The following MEIS2 variants were observed in gnomAD, a reference collection of about 807,000 sequenced individuals.
MEIS2 encodes homeobox protein Meis2.
MEIS2 carries 9 observed loss-of-function variants against 58.6 expected under a neutral mutation model. The observed-to-expected ratio is 0.15, with a 90% CI of 0.09 to 0.27. MEIS2 has a LOEUF of 0.27. MEIS2 is among the 10% of genes least tolerant of loss of function. The pLI is 1.00. For synonymous variants in MEIS2, 221 were observed against 228.4 expected, an observed-to-expected ratio of 0.97 and a Z score of 0.29; for missense variants, 427 against 635.0, an observed-to-expected ratio of 0.67 and a Z score of 3.52.
At chr15:37,047,971 G>A (rs1397314056) in intron 7 of MEIS2, among the ~76,000 whole-genome samples, 2 of 152,068 alleles carry the variant, frequency 1.3e-5, no homozygotes, top group Non-Finnish European at 2.9e-5. Flanking sequence ...TCCTTCTGTT[G>A]CAGTCTAACT....
At chr15:37,072,401 A>G (rs1266745330) in intron 7 of MEIS2, among the ~76,000 whole-genome samples, 1 of 152,050 alleles carries the variant, frequency 6.6e-6, no homozygotes, top group Non-Finnish European at 1.5e-5. Context: ...TATCACCAGG[A>G]AAGTTTGGTA....
At chr15:37,060,534 G>A (rs927645191) in intron 7 of MEIS2, among the ~76,000 whole-genome samples, 12 of 152,046 alleles carry the variant, frequency 7.9e-5, no homozygotes, top group African/African-American at 2.2e-4. Flanking sequence ...ACCCCTGAAC[G>A]TGTGCTCTAT....
chr15:37,071,551 C>A (rs573752125), intron 7 of MEIS2, among the ~76,000 whole-genome samples: 2 of 152,118 alleles, frequency 1.3e-5, no homozygotes, highest in South Asian at 4.1e-4. Flanking sequence ...TTGAAAGCAA[C>A]TTTTAAATAA....
intron 8 of MEIS2, among the ~76,000 whole-genome samples, chr15:36,970,109 A>C (rs576897197): frequency 1.4e-4 from 21 of 152,328 alleles, no homozygotes; most frequent in African/African-American, 4.3e-4. Context: ...TTTGTTTAAA[A>C]ATGCAAACAT....
At chr15:36,972,685 T>C (rs1385456509) in intron 8 of MEIS2, 1 of 152,228 alleles carries the variant, frequency 6.6e-6, no homozygotes, top group Non-Finnish European at 1.5e-5. Flanking sequence ...CCAACACCTC[T>C]CCTGGTTTCC....
chr15:36,981,630 C>T (rs1567139412), intron 8 of MEIS2, among the ~76,000 whole-genome samples: 1 of 152,122 alleles, frequency 6.6e-6, no homozygotes, highest in East Asian at 1.9e-4. Flanking sequence ...CATTTAAGAT[C>T]TACTCTGTGA....
chr15:37,062,678 C>T (rs28704697), intron 7 of MEIS2, among the ~76,000 whole-genome samples: 8,272 of 152,232 alleles, frequency 0.054, 259 homozygotes, highest in Non-Finnish European at 0.06. Context: ...CTAATTTTAT[C>T]CTAGTGAGGG....
intron 8 of MEIS2, among the ~76,000 whole-genome samples, chr15:37,007,774 G>C (rs929799335): frequency 6.6e-6 from 1 of 152,182 alleles, no homozygotes; most frequent in Non-Finnish European, 1.5e-5. Flanking sequence ...CGCCATCTAA[G>C]ATTAATGTCC....
chr15:36,912,639 T>A (rs2057086243), intron 9 of MEIS2, among the ~76,000 whole-genome samples: 2 of 152,168 alleles, frequency 1.3e-5, no homozygotes, highest in Non-Finnish European at 2.9e-5. Flanking sequence ...CTCAGGGGCC[T>A]TGCAATGAGG....
intron 7 of MEIS2, among the ~76,000 whole-genome samples, chr15:37,072,777 A>G (rs976905044): frequency 1.3e-5 from 2 of 152,106 alleles, no homozygotes; most frequent in Non-Finnish European, 2.9e-5. Context: ...TGCTGCACCC[A>G]TTAACTCGTC....
chr15:37,066,069 C>A (rs1461357715), intron 7 of MEIS2, among the ~76,000 whole-genome samples: 1 of 152,076 alleles, frequency 6.6e-6, no homozygotes, highest in Non-Finnish European at 1.5e-5. Flanking sequence ...GATAACTAAC[C>A]CTTTAGAATT....
At chr15:36,980,467 C>CA (rs1366262828) in intron 8 of MEIS2, among the ~76,000 whole-genome samples, 2 of 152,108 alleles carry the variant, frequency 1.3e-5, no homozygotes, top group Admixed American at 6.6e-5. Context: ...ACATGGATGG[C>CA]AGCAAGCAAA....
intron 7 of MEIS2, among the ~76,000 whole-genome samples, chr15:37,070,885 C>T (rs2141872808): frequency 6.6e-6 from 1 of 151,972 alleles, no homozygotes; most frequent in African/African-American, 2.4e-5. Flanking sequence ...TTTTAAAGAG[C>T]TATTTGAAAT....
chr15:37,018,596 C>T (rs997171455), intron 8 of MEIS2, among the ~76,000 whole-genome samples: 3 of 151,976 alleles, frequency 2.0e-5, no homozygotes, highest in African/African-American at 7.3e-5. Context: ...ATTTGGAGTC[C>T]GAGTATTAAA....
chr15:37,065,575 G>C (rs1889820591), intron 7 of MEIS2, among the ~76,000 whole-genome samples: 1 of 152,112 alleles, frequency 6.6e-6, no homozygotes, highest in East Asian at 1.9e-4. Context: ...AATATTTCAA[G>C]CCAGATAAAA....
intron 8 of MEIS2, among the ~76,000 whole-genome samples, chr15:36,975,270 A>G (rs1842024700): frequency 6.6e-6 from 1 of 152,204 alleles, no homozygotes; most frequent in Admixed American, 6.5e-5. Context: ...AACTGCTTGA[A>G]GAATGCTTTT....
intron 7 of MEIS2, among the ~76,000 whole-genome samples, chr15:37,076,599 A>G (rs757423183): frequency 4.6e-5 from 7 of 152,092 alleles, no homozygotes; most frequent in Admixed American, 1.3e-4. Flanking sequence ...TTCCTTAGAA[A>G]GCATGGCTGA....
intron 7 of MEIS2, among the ~76,000 whole-genome samples, chr15:37,037,826 A>T (rs1363019001): frequency 6.6e-6 from 1 of 152,244 alleles, no homozygotes; most frequent in Non-Finnish European, 1.5e-5. Flanking sequence ...GGAAGGCATC[A>T]ATCAAGAGCA....
intron 9 of MEIS2, among the ~76,000 whole-genome samples, chr15:36,910,969 C>T (rs1007210107): frequency 6.9e-6 from 1 of 144,582 alleles, no homozygotes; most frequent in Non-Finnish European, 1.5e-5. Flanking sequence ...GGCTTGAGCC[C>T]GGGAGGCGGA....
Sources: allele counts gnomAD v4.1 joint callset (sites outside exome capture counted in the v4.1 genomes callset), GRCh38; gene constraint gnomAD v4.1.1; transcripts MANE v1.5; gene names NCBI Gene and HGNC (gene_info 2026-07-23, HGNC 2026-07-21).